TRPC4AP: variants seen among roughly 807,000 people sequenced by gnomAD.
The protein encoded by TRPC4AP is short transient receptor potential channel 4-associated protein.
A neutral mutation model predicts 99.0 loss-of-function variants in TRPC4AP; 45 were observed. That is an observed-to-expected ratio of 0.45 (90% CI 0.36 to 0.58). The LOEUF is 0.58. Ranked by LOEUF, TRPC4AP falls within the 20% of genes least tolerant of loss-of-function variation. TRPC4AP has a pLI of 0.00. For missense variants in TRPC4AP, 879 were observed against 985.3 expected (o/e 0.89, Z 1.44); for synonymous variants, 408 against 385.8 (o/e 1.06, Z -0.67).
chr20:35,071,590 T>C (rs1488878493), intron 2 of TRPC4AP, among the ~76,000 whole-genome samples: 1 of 152,134 alleles, frequency 6.6e-6, no homozygotes, highest in Non-Finnish European at 1.5e-5. Flanking sequence ...GATTCATCCA[T>C]GTCCCTACAA....
chr20:35,005,929 C>G, intron 15 of TRPC4AP, 126 bp from the exon 16 acceptor site: 1 of 761,814 alleles, frequency 1.3e-6, no homozygotes. Flanking sequence ...GATAGGAAGA[C>G]AGAGGCTCAG....
chr20:35,088,192 T>G (rs886208402), intron 1 of TRPC4AP, among the ~76,000 whole-genome samples: 7 of 152,246 alleles, frequency 4.6e-5, no homozygotes, highest in African/African-American at 1.7e-4. Flanking sequence ...GTGCTTTATA[T>G]GTACAACTCA....
At position 35,086,523 on chromosome 20, in the gene TRPC4AP, ATATGTGTGTGTGTGTGTGTG is replaced by A. The variant is rs1351081001; in HGVS notation, c.168+6071_168+6090del. ...TGTATATATATGTGTGTGTGTGTAT[ATATGTGTGTGTGTGTGTGTG>A]TGTGTGTGTGTGTGTGTGTGTGTGT... On this transcript the variant is annotated intron_variant, in intron 1 of 18. Coordinates refer to ENST00000252015, the MANE Select transcript of TRPC4AP (RefSeq NM_015638.3). Among the ~76,000 whole-genome samples, 187 of 99,100 alleles carry A rather than the reference ATATGTGTGTGTGTGTGTGTG, an allele frequency of 1.9e-3. 7 individuals are homozygous for A. The highest frequency in any genetic ancestry group is 2.8e-3 in the South Asian group (7 of 2,508). The allele number at this position is 99,100 out of a possible 152,430, so 65.0% of individuals were successfully genotyped here.
chr20:35,068,961 A>ACAC (rs1421616021), intron 3 of TRPC4AP, among the ~76,000 whole-genome samples: 3 of 39,374 alleles, frequency 7.6e-5, no homozygotes, highest in East Asian at 2.7e-3. Flanking sequence ...ACACACACAC[A>ACAC]CACACACACA....
chr20:35,083,288 C>T (rs1425780749), intron 1 of TRPC4AP, among the ~76,000 whole-genome samples: 1 of 152,008 alleles, frequency 6.6e-6, no homozygotes, highest in Non-Finnish European at 1.5e-5. Flanking sequence ...TTATGCAAGA[C>T]GGCTACATAG....
chr20:35,014,298 G>C (rs1229344844), intron 10 of TRPC4AP, among the ~76,000 whole-genome samples: 1 of 151,208 alleles, frequency 6.6e-6, no homozygotes, highest in South Asian at 2.1e-4. Flanking sequence ...GAAGTGGCTA[G>C]AGGGCCTCAG....
At position 35,075,353 on chromosome 20, in the gene TRPC4AP, C is replaced by T. The variant is rs188737373; in HGVS notation, c.297+2693G>A. Among the ~76,000 whole-genome samples the T allele has an allele frequency of 2.3e-3, 351 of 152,222 alleles. 11 individuals are homozygous for T. The highest frequency in any genetic ancestry group is 0.021 in the Admixed American group (314 of 15,286). ...AGTTGATGCAGTTTCTTCCTAGCAT[C>T]GAAGGTCTTTACAATTTGGCATGTT... On this transcript the variant is annotated intron_variant, in intron 2 of 18. Transcript: ENST00000252015.
In TRPC4AP at chr20:35,010,169, C is replaced by T; in HGVS notation, c.1511+18G>A. The T allele has an allele frequency of 6.2e-7, 1 of 1,612,174 alleles. No homozygotes were observed. On this transcript the variant is annotated intron_variant, in intron 12 of 18. Transcript: ENST00000252015. ...CAGCCGGGATGGGCTGAGGGAAAAGCTGCACCCCTGCACTCACCTGTCGGT... is the reference window on the plus strand; with the variant it reads ...CAGCCGGGATGGGCTGAGGGAAAAGTTGCACCCCTGCACTCACCTGTCGGT...
intron 4 of TRPC4AP, among the ~76,000 whole-genome samples, chr20:35,055,526 G>C (rs1210355289): frequency 1.3e-5 from 2 of 151,970 alleles, no homozygotes; most frequent in Admixed American, 1.3e-4. Context: ...TTGTTCATTT[G>C]TTTTGGTTTT....
intron 1 of TRPC4AP, among the ~76,000 whole-genome samples, chr20:35,087,338 CAAAA>C (rs11483432): frequency 2.7e-5 from 3 of 111,550 alleles, no homozygotes; most frequent in Admixed American, 9.6e-5. Flanking sequence ...GACTCCATCT[CAAAA>C]AAAAAAAAAA....
intron 10 of TRPC4AP, among the ~76,000 whole-genome samples, chr20:35,014,314 ATTTTT>A (rs66518839): frequency 5.3e-5 from 6 of 113,184 alleles, no homozygotes; most frequent in Non-Finnish European, 1.0e-4. Context: ...CTCAGGCAGA[ATTTTT>A]TTTTTTTTTT....
Position 35,013,063 on chromosome 20 carries a change from T to C in TRPC4AP, c.1354A>G (p.Ile452Val), listed in dbSNP as rs2082674748. ...CTCAAAAACTGTATCTTCAAGGTGA[T>C]GTCCTGAAACACATGCACAGCCTCA... ...HNQNCDCSPD[I>V]TLKIQFLRLL... The change falls in exon 11 of 19, where the codon ATC (isoleucine) becomes GTC (valine). Residue 452 changes from isoleucine (I) to valine (V), a missense_variant. Transcript: ENST00000252015. The C allele has an allele frequency of 1.2e-6, 2 of 1,614,026 alleles. No homozygotes were observed. The highest frequency in any genetic ancestry group is 1.3e-5 in the African/African-American group (1 of 74,930).
chr20:35,050,188 C>T (rs746458615), intron 5 of TRPC4AP, among the ~76,000 whole-genome samples, 194 bp from the exon 6 acceptor site: 2 of 152,182 alleles, frequency 1.3e-5, no homozygotes, highest in South Asian at 2.1e-4. Context: ...AGTCTCCTGA[C>T]GTGCAGGCTA....
At chr20:35,049,729 T>G in intron 6 of TRPC4AP, 137 bp downstream of exon 6, 1 of 1,033,592 alleles carries the variant, frequency 9.7e-7, no homozygotes, top group South Asian at 2.1e-5. Context: ...TAATCAAGTT[T>G]TATACTTGAA....
At chr20:35,070,603 G>T (rs377142719) in intron 2 of TRPC4AP, among the ~76,000 whole-genome samples, 5 of 152,238 alleles carry the variant, frequency 3.3e-5, no homozygotes, top group African/African-American at 1.2e-4. Flanking sequence ...GTAGAGACGG[G>T]GTTTCACCGT....
At chr20:35,005,249 G>T (rs1173435488) in intron 16 of TRPC4AP, among the ~76,000 whole-genome samples, 3 of 152,166 alleles carry the variant, frequency 2.0e-5, no homozygotes, top group African/African-American at 7.2e-5. Flanking sequence ...GGGTGTGGGG[G>T]GGTCACAAAC....
At chr20:35,092,577 T>TGC in intron 1 of TRPC4AP, 37 bp downstream of exon 1, 1 of 1,426,520 alleles carries the variant, frequency 7.0e-7, no homozygotes, top group Non-Finnish European at 9.1e-7. Context: ...TCCCGCCTGG[T>TGC]CCGCCCCGCC....
Position 35,078,052 on chromosome 20 carries a change from G to A in TRPC4AP, c.291C>T (p.Ile97=), listed in dbSNP as rs770736649. The A allele has an allele frequency of 2.5e-6, 4 of 1,612,610 alleles. No homozygotes were observed. The highest frequency in any genetic ancestry group is 3.4e-6 in the Non-Finnish European group (4 of 1,178,888). Residue 97 remains isoleucine (I), a synonymous_variant, in exon 2 of 19, where the codon ATC becomes ATT. Transcript: ENST00000252015. ...LHSDFVECQN[I]LKEISPLLSM... ...CAAGGTCCTTAAGAGTTACCTTGAG[G>A]ATGTTTTGACACTCAACAAAGTCAC...
intron 8 of TRPC4AP, among the ~76,000 whole-genome samples, chr20:35,028,200 CA>C (rs2083076091): frequency 7.6e-6 from 1 of 132,208 alleles, no homozygotes; most frequent in African/African-American, 2.6e-5. Context: ...TCATTTGTCT[CA>C]AAATATTTCC....
Sources: allele counts gnomAD v4.1 joint callset (sites outside exome capture counted in the v4.1 genomes callset), GRCh38; gene constraint gnomAD v4.1.1; transcripts MANE v1.5; gene names NCBI Gene and HGNC (gene_info 2026-07-23, HGNC 2026-07-21).